The following BRINP3 variants were observed in gnomAD, a reference collection of about 807,000 sequenced individuals.
The protein encoded by BRINP3 is BMP/retinoic acid inducible neural specific 3, also known as BMP/retinoic acid-inducible neural-specific protein 3.
BRINP3 carries 19 observed loss-of-function variants against 71.0 expected under a neutral mutation model. The ratio of observed to expected loss-of-function variants is 0.27; its 90% confidence interval spans 0.19 to 0.39. BRINP3 has a LOEUF of 0.39. Among genes scored for constraint, BRINP3 ranks in the 10% least tolerant of loss-of-function variants. The probability of loss-of-function intolerance (pLI) is 1.00; values close to 1 mark genes in which losing one functional copy is unlikely to be tolerated. For missense variants in BRINP3, 959 were observed against 940.8 expected (o/e 1.02, Z -0.25); for synonymous variants, 380 against 337.7 (o/e 1.13, Z -1.37).
intron 4 of BRINP3, among the ~76,000 whole-genome samples, chr1:190,236,319 T>G (rs1395236477): frequency 6.6e-6 from 1 of 151,988 alleles, no homozygotes; most frequent in Non-Finnish European, 1.5e-5. Flanking sequence ...GTTTTGAACA[T>G]GTTGACTCTC....
chr1:190,466,360 G>A (rs1179250260), intron 1 of BRINP3, among the ~76,000 whole-genome samples: 1 of 151,620 alleles, frequency 6.6e-6, no homozygotes, highest in African/African-American at 2.4e-5. Flanking sequence ...GGCATACAAG[G>A]TGAAATGAGC....
rs546684992 is a variant in BRINP3 at position 190,315,613 on chromosome 1, A to G, written c.237-33863T>C. On this transcript the variant is annotated intron_variant, in intron 2 of 7. Transcript: ENST00000367462. Reference sequence around the variant, plus strand: ...GAGAAATGCAGTTATTGTGGCTATCATCTGTCTGGGCTGGAAAATGTTGTT... The same window carrying G: ...GAGAAATGCAGTTATTGTGGCTATCGTCTGTCTGGGCTGGAAAATGTTGTT... Among the ~76,000 whole-genome samples the G allele has an allele frequency of 7.2e-5, 11 of 152,178 alleles. 1 individual carries two copies. Among genetic ancestry groups the G allele is most frequent in the African/African-American group, 2.4e-4 (10 of 41,534 alleles).
chr1:190,148,609 A>G, intron 7 of BRINP3, among the ~76,000 whole-genome samples: 1 of 137,986 alleles, frequency 7.2e-6, no homozygotes, highest in East Asian at 2.0e-4. Flanking sequence ...ATAAATAAAT[A>G]AATAAATAAA....
chr1:190,388,964 C>T (rs1671080876), intron 2 of BRINP3, among the ~76,000 whole-genome samples: 2 of 151,650 alleles, frequency 1.3e-5, no homozygotes, highest in South Asian at 4.1e-4. Flanking sequence ...ATTTACTGAG[C>T]TTAATAGAGT....
At chr1:190,157,070 A>G (rs910482883) in intron 7 of BRINP3, among the ~76,000 whole-genome samples, 2 of 151,844 alleles carry the variant, frequency 1.3e-5, no homozygotes, top group Non-Finnish European at 2.9e-5. Context: ...TTCTGATAAT[A>G]CAGTCTTCCC....
intron 2 of BRINP3, among the ~76,000 whole-genome samples, chr1:190,371,809 C>A (rs1669885193): frequency 6.6e-6 from 1 of 152,100 alleles, no homozygotes; most frequent in Admixed American, 6.6e-5. Flanking sequence ...AATCCAGGGG[C>A]ATCTGGCATA....
intron 2 of BRINP3, among the ~76,000 whole-genome samples, chr1:190,307,104 A>T (rs939820272): frequency 6.6e-6 from 1 of 151,848 alleles, no homozygotes; most frequent in Non-Finnish European, 1.5e-5. Context: ...AGATTTGGAA[A>T]CAAAATCCTA....
chr1:190,290,720 C>G (rs1483736683), intron 2 of BRINP3, among the ~76,000 whole-genome samples: 3 of 152,010 alleles, frequency 2.0e-5, no homozygotes, highest in Non-Finnish European at 4.4e-5. Context: ...TTTTTATCTC[C>G]TTGTGATAAA....
intron 7 of BRINP3, among the ~76,000 whole-genome samples, chr1:190,122,820 G>C (rs1328872891): frequency 3.3e-5 from 5 of 152,046 alleles, no homozygotes; most frequent in Non-Finnish European, 7.4e-5. Flanking sequence ...GCAGTAATTT[G>C]TTACTGCAAA....
chr1:190,183,459 T>C (rs1169717735), intron 6 of BRINP3, among the ~76,000 whole-genome samples: 1 of 152,026 alleles, frequency 6.6e-6, no homozygotes, highest in African/African-American at 2.4e-5. Flanking sequence ...TAATGACAGA[T>C]TAAAGGCAGG....
chr1:190,163,447 T>C (rs1571881231), intron 6 of BRINP3, among the ~76,000 whole-genome samples: 4 of 152,152 alleles, frequency 2.6e-5, no homozygotes, highest in Admixed American at 2.6e-4. Flanking sequence ...CTGTGTTAAG[T>C]ATGTATCAAG....
chr1:190,161,250 C>A (rs1270437098), intron 6 of BRINP3, among the ~76,000 whole-genome samples: 1 of 151,870 alleles, frequency 6.6e-6, no homozygotes, highest in African/African-American at 2.4e-5. Context: ...ATTAATCTGA[C>A]TTTCATTTTT....
chr1:190,458,766 G>C (rs1676180608), intron 1 of BRINP3, among the ~76,000 whole-genome samples: 1 of 151,888 alleles, frequency 6.6e-6, no homozygotes, highest in Non-Finnish European at 1.5e-5. Context: ...AAAGAGGATA[G>C]AAATTATTAA....
chr1:190,212,300 G>C (rs943972128), intron 6 of BRINP3, among the ~76,000 whole-genome samples: 2 of 152,052 alleles, frequency 1.3e-5, no homozygotes, highest in Admixed American at 1.3e-4. Context: ...AAAATTTTAA[G>C]AGATTAAATG....
At chr1:190,118,354 AATG>A (rs1160658358) in intron 7 of BRINP3, among the ~76,000 whole-genome samples, 3 of 152,140 alleles carry the variant, frequency 2.0e-5, no homozygotes, top group African/African-American at 7.2e-5. Context: ...CTGTATAGAT[AATG>A]ATATTGACTT....
At chr1:190,467,083 A>G (rs900196334) in intron 1 of BRINP3, among the ~76,000 whole-genome samples, 1 of 151,522 alleles carries the variant, frequency 6.6e-6, no homozygotes, top group African/African-American at 2.4e-5. Flanking sequence ...AATACCCTAC[A>G]TAGAAAATGC....
intron 1 of BRINP3, among the ~76,000 whole-genome samples, chr1:190,461,418 T>C (rs1005016348): frequency 3.3e-5 from 5 of 152,060 alleles, no homozygotes; most frequent in Non-Finnish European, 5.9e-5. Flanking sequence ...CCCTACAAAG[T>C]TGGTTGGTCA....
intron 7 of BRINP3, among the ~76,000 whole-genome samples, chr1:190,155,153 A>T (rs1656754561): frequency 6.6e-6 from 1 of 152,134 alleles, no homozygotes; most frequent in African/African-American, 2.4e-5. Flanking sequence ...GAAAGAGCAT[A>T]TATAGGAGTG....
At chr1:190,454,347 CTT>C (rs928341880) in intron 2 of BRINP3, among the ~76,000 whole-genome samples, 21 of 152,262 alleles carry the variant, frequency 1.4e-4, no homozygotes, top group Admixed American at 1.2e-3. Flanking sequence ...TTAAATTTCA[CTT>C]TAAAATTTTG....
Sources: allele counts gnomAD v4.1 joint callset (sites outside exome capture counted in the v4.1 genomes callset), GRCh38; gene constraint gnomAD v4.1.1; transcripts MANE v1.5; gene names NCBI Gene and HGNC (gene_info 2026-07-23, HGNC 2026-07-21).